Variants in NOL4L observed in about 807,000 individuals in gnomAD.
The protein encoded by NOL4L is nucleolar protein 4 like, also known as nucleolar protein 4-like.
In NOL4L, 7 loss-of-function variants were observed where a neutral mutation model predicts 64.5. The ratio of observed to expected loss-of-function variants is 0.11; its 90% CI spans 0.06 to 0.20. NOL4L has a LOEUF of 0.20. NOL4L is among the 10% of genes least tolerant of loss of function. The pLI is 1.00. For synonymous variants in NOL4L, 413 were observed against 401.0 expected (o/e 1.03, Z -0.36); for missense variants, 680 against 967.1 (o/e 0.70, Z 3.94).
At chr20:32,488,778 C>CCTTT (rs1568647546) in intron 4 of NOL4L, among the ~76,000 whole-genome samples, 30 of 53,208 alleles carry the variant, frequency 5.6e-4, no homozygotes, top group African/African-American at 1.9e-3. Flanking sequence ...TTCCTTCCTT[C>CCTTT]CTTCCTTCCT....
At position 32,453,981 on chromosome 20, in the gene NOL4L, A is replaced by G. The variant is rs953424797; in HGVS notation, c.1120-220T>C. 6.9e-6 allele frequency: 4 copies of G among 576,758 alleles called. No individual in the cohort carries two copies. The highest frequency in any genetic ancestry group is 6.0e-5 in the Admixed American group (2 of 33,218). 35.7% of individuals were successfully genotyped at this position (576,758 alleles called of 1,614,324 possible). A position where few individuals can be genotyped will look rare whatever the true frequency, so the allele number is the denominator to read the frequency against. ...ACCACCTCCCTCCCTGGGCTGCCGC[A>G]GGGAGGACCGACTGCAATAGTGTAT... is the stretch of plus-strand genomic sequence containing the variant. On this transcript the variant is annotated intron_variant, in intron 6 of 10. Transcript: ENST00000621426. This position sits in a 1 kb window ranked among gnomAD's most constrained non-coding sequence, Gnocchi z 5.6.
rs1283407272 is a variant in NOL4L at position 32,535,953 on chromosome 20, G to C, written c.322-8040C>G. 5 of 985,694 alleles carry C rather than the reference G, an allele frequency of 5.1e-6. No homozygotes were observed. In the African/African-American group the frequency reaches 5.2e-5, roughly 10 times the overall value. The allele number at this position is 985,694 out of a possible 1,614,324, so 61.1% of individuals were successfully genotyped here. Reference sequence around the variant, plus strand: ...AGGACTCTGGCCTGGCGGGGGCAGGGAGAGGGTCCACAGGAGGGTGCTGTA... The same window carrying C: ...AGGACTCTGGCCTGGCGGGGGCAGGCAGAGGGTCCACAGGAGGGTGCTGTA... On this transcript the variant is annotated intron_variant, in intron 1 of 10. Coordinates refer to ENST00000621426, the MANE Select transcript of NOL4L (RefSeq NM_001256798.2).
intron 4 of NOL4L, among the ~76,000 whole-genome samples, chr20:32,496,791 C>T (rs2016705729): frequency 6.6e-6 from 1 of 151,988 alleles, no homozygotes; most frequent in Non-Finnish European, 1.5e-5. Context: ...TCAGGTGATC[C>T]ACCCGCCTCA....
At chr20:32,502,322 G>T (rs978940522) in intron 4 of NOL4L, among the ~76,000 whole-genome samples, 1 of 152,260 alleles carries the variant, frequency 6.6e-6, no homozygotes, top group East Asian at 1.9e-4. Context: ...GCCGGGTGTG[G>T]TGGCTCATGC....
At chr20:32,457,666 G>A (rs138709642) in intron 5 of NOL4L, among the ~76,000 whole-genome samples, 1,989 of 152,254 alleles carry the variant, frequency 0.013, 46 homozygotes, top group African/African-American at 0.046. Flanking sequence ...CCACGGCGGC[G>A]CAGTGCACCC....
chr20:32,581,114 T>A (rs529283551), intron 1 of NOL4L, among the ~76,000 whole-genome samples: 1 of 152,152 alleles, frequency 6.6e-6, no homozygotes, highest in Admixed American at 6.5e-5. Flanking sequence ...CATAAAGAGA[T>A]CTTATCCCCA....
chr20:32,518,254 C>T, intron 3 of NOL4L, among the ~76,000 whole-genome samples: 1 of 152,232 alleles, frequency 6.6e-6, no homozygotes, highest in East Asian at 1.9e-4. Flanking sequence ...GTCTTCTGTC[C>T]AGCCTGAAGA....
At position 32,463,783 on chromosome 20, in the gene NOL4L, C is replaced by T. The variant is rs1024671251; in HGVS notation, c.842-7388G>A. On this transcript the variant is annotated intron_variant, in intron 5 of 10. Transcript: ENST00000621426. The surrounding 1 kb of genome is among the most constrained non-coding windows in gnomAD (Gnocchi z 5.8). Reference sequence around the variant, plus strand: ...GCCCAGCTCTGTGCGAACCACCAATCGCCACACCGCGCTCTGGGGCCCACA... The same window carrying T: ...GCCCAGCTCTGTGCGAACCACCAATTGCCACACCGCGCTCTGGGGCCCACA... 1.3e-5 allele frequency among the ~76,000 whole-genome samples: 2 copies of T among 152,132 alleles called. No homozygotes were observed. Among genetic ancestry groups the T allele is most frequent in the African/African-American group, 2.4e-5 (1 of 41,432 alleles).
intron 4 of NOL4L, among the ~76,000 whole-genome samples, chr20:32,508,445 C>T (rs190882161): frequency 1.6e-4 from 24 of 152,312 alleles, no homozygotes; most frequent in Middle Eastern, 3.4e-3. Context: ...ACAGGGATAA[C>T]GGCACTGCCT....
At chr20:32,575,729 C>T (rs938757846) in intron 1 of NOL4L, among the ~76,000 whole-genome samples, 1 of 152,152 alleles carries the variant, frequency 6.6e-6, no homozygotes, top group Non-Finnish European at 1.5e-5. Flanking sequence ...ATCCTAAGCA[C>T]AGAAAGTAGT....
chr20:32,489,795 G>A (rs1312181019), intron 4 of NOL4L, among the ~76,000 whole-genome samples: 1 of 151,346 alleles, frequency 6.6e-6, no homozygotes, highest in African/African-American at 2.4e-5. Context: ...GGGTGACAGA[G>A]TGAGACTCCC....
At chr20:32,497,480 G>A (rs2016740458) in intron 4 of NOL4L, among the ~76,000 whole-genome samples, 1 of 152,138 alleles carries the variant, frequency 6.6e-6, no homozygotes, top group South Asian at 2.1e-4. Context: ...AAAATAAAAA[G>A]CAAGGAAAAC....
intron 1 of NOL4L, among the ~76,000 whole-genome samples, chr20:32,574,688 C>A (rs1979976584): frequency 6.6e-6 from 1 of 152,122 alleles, no homozygotes; most frequent in South Asian, 2.1e-4. Flanking sequence ...AGAGGCCTCC[C>A]AGGAGCTTGT....
chr20:32,536,573 C>T (rs2018533750), intron 1 of NOL4L, among the ~76,000 whole-genome samples: 2 of 145,734 alleles, frequency 1.4e-5, no homozygotes, highest in African/African-American at 5.0e-5. Context: ...GCGCGCGCGC[C>T]GGGCTGGGTT....
chr20:32,511,642 ATTT>A (rs113276427), intron 3 of NOL4L, among the ~76,000 whole-genome samples, 186 bp from the exon 4 acceptor site: 1 of 150,418 alleles, frequency 6.6e-6, no homozygotes, highest in African/African-American at 2.4e-5. Flanking sequence ...TGTCAAAAAT[ATTT>A]TTTTTTTATT....
Position 32,445,353 on chromosome 20 carries a change from A to G in NOL4L, c.*2243T>C, listed in dbSNP as rs1313901929. 2.0e-5 allele frequency: 3 copies of G among 152,208 alleles called. No individual in the cohort carries two copies. The highest frequency in any genetic ancestry group is 4.4e-5 in the Non-Finnish European group (3 of 68,034). 9.4% of individuals were successfully genotyped at this position (152,208 alleles called of 1,614,324 possible). A position where few individuals can be genotyped will look rare whatever the true frequency, so the allele number is the denominator to read the frequency against. On this transcript the variant is annotated 3_prime_UTR_variant, in exon 11 of 11. Coordinates refer to ENST00000621426, the MANE Select transcript of NOL4L (RefSeq NM_001256798.2). ...TCTTTCTCACTCCTGTCTGCCAAGA[A>G]ATGCAAACGGTTCATGTCTAGCTTG...
In NOL4L at chr20:32,463,894, C is replaced by A. The variant is rs2014313545; in HGVS notation, c.842-7499G>T. 6.6e-6 allele frequency among the ~76,000 whole-genome samples: 1 copy of A among 152,150 alleles called. No homozygotes were observed. Among genetic ancestry groups the A allele is most frequent in the Non-Finnish European group, 1.5e-5 (1 of 68,030 alleles). ...CGGGAAGGCCCACCATCCCTGGGAC[C>A]ACAGGCCAGGTACACGGCCACTGGA... On this transcript the variant is annotated intron_variant, in intron 5 of 10. Transcript: ENST00000621426. The surrounding 1 kb of genome is among the most constrained non-coding windows in gnomAD (Gnocchi z 5.8).
intron 5 of NOL4L, among the ~76,000 whole-genome samples, chr20:32,461,960 C>T (rs1215140735): frequency 6.6e-6 from 1 of 152,030 alleles, no homozygotes; most frequent in Non-Finnish European, 1.5e-5. Context: ...GTGGGGGCAA[C>T]TGAGTCTTCC....
chr20:32,560,069 C>T, intron 1 of NOL4L, among the ~76,000 whole-genome samples: 1 of 152,246 alleles, frequency 6.6e-6, no homozygotes, highest in East Asian at 1.9e-4. Context: ...GTTCTTTTCA[C>T]AAAGGAGCTG....
Sources: gnomAD v4.1 joint callset for allele counts (sites outside exome capture counted in the v4.1 genomes callset) on GRCh38, gnomAD v4.1.1 for gene constraint, Gnocchi (gnomAD v3.1) non-coding constraint, MANE v1.5 for transcripts, NCBI Gene and HGNC (gene_info 2026-07-23, HGNC 2026-07-21) for gene names.